PLAC1: variants seen among roughly 807,000 people sequenced by gnomAD.
PLAC1 encodes the protein placenta-specific protein 1.
For missense variants in PLAC1, 136 were observed against 163.2 expected, an observed-to-expected ratio of 0.83 and a Z score of 0.91; for synonymous variants, 68 against 62.1, an observed-to-expected ratio of 1.09 and a Z score of -0.44.
chrX:134,666,461 T>C (rs1168821097), intron 2 of PLAC1, among the ~76,000 whole-genome samples: 1 of 111,592 alleles, frequency 9.0e-6, no homozygotes, highest in African/African-American at 3.3e-5. Context: ...ACCTCTCTGA[T>C]TTCTGAAATT....
intron 2 of PLAC1, among the ~76,000 whole-genome samples, chrX:134,732,995 G>C (rs981014479): frequency 5.4e-5 from 6 of 111,431 alleles, no homozygotes; most frequent in Admixed American, 3.8e-4. Context: ...ACCCACTGCT[G>C]TTTCCTCCCA....
chrX:134,576,865 C>T (rs1435877507), intron 2 of PLAC1, among the ~76,000 whole-genome samples: 1 of 111,612 alleles, frequency 9.0e-6, no homozygotes, highest in Non-Finnish European at 1.9e-5. Context: ...TCTCTAGAGC[C>T]GTCACACAAT....
chrX:134,611,518 C>CAT (rs1556071189), intron 1 of PLAC1, among the ~76,000 whole-genome samples: 3,580 of 102,319 alleles, frequency 0.035, 148 homozygotes, highest in African/African-American at 0.12. Context: ...CACACACACA[C>CAT]ATACATATAC....
intron 2 of PLAC1, among the ~76,000 whole-genome samples, chrX:134,594,018 A>C (rs1226986037): frequency 9.0e-6 from 1 of 111,432 alleles, no homozygotes; most frequent in East Asian, 2.8e-4. Flanking sequence ...TTCACCATTA[A>C]GTAAAATGTT....
At chrX:134,620,350 C>A (rs1478377617) in intron 1 of PLAC1, among the ~76,000 whole-genome samples, 1 of 112,076 alleles carries the variant, frequency 8.9e-6, no homozygotes, top group Non-Finnish European at 1.9e-5. Context: ...ACACCATTTC[C>A]CCCTGGCCTC....
At chrX:134,720,203 G>A (rs772696498) in intron 2 of PLAC1, among the ~76,000 whole-genome samples, 2 of 111,377 alleles carry the variant, frequency 1.8e-5, no homozygotes, top group Admixed American at 9.5e-5. Context: ...CACTAACAAT[G>A]GACAACTTGA....
intron 1 of PLAC1, among the ~76,000 whole-genome samples, chrX:134,610,393 T>C (rs952344451): frequency 9.0e-6 from 1 of 110,970 alleles, no homozygotes; most frequent in Admixed American, 9.6e-5. Flanking sequence ...TAAAATCTCT[T>C]CTCGGCCATG....
intron 1 of PLAC1, among the ~76,000 whole-genome samples, chrX:134,628,428 C>G (rs1454904097): frequency 8.9e-6 from 1 of 112,119 alleles, no homozygotes; most frequent in Non-Finnish European, 1.9e-5. Flanking sequence ...CCCTTCTATG[C>G]CTTCATCTTC....
chrX:134,737,984 A>G (rs1464410523), intron 1 of PLAC1, among the ~76,000 whole-genome samples: 1 of 111,677 alleles, frequency 9.0e-6, no homozygotes, highest in Non-Finnish European at 1.9e-5. Context: ...GGAGGAAAAG[A>G]ATCTTCAGGG....
chrX:134,701,701 A>G (rs2078583698), intron 2 of PLAC1, among the ~76,000 whole-genome samples: 3 of 112,383 alleles, frequency 2.7e-5, no homozygotes, highest in Admixed American at 9.4e-5. Context: ...CCACGTCAGT[A>G]ATCACTGGAG....
chrX:134,579,713 G>C (rs2077964747), intron 2 of PLAC1, among the ~76,000 whole-genome samples: 1 of 111,490 alleles, frequency 9.0e-6, no homozygotes, highest in Non-Finnish European at 1.9e-5. Context: ...AAGTTGGAGA[G>C]GGGAGACCCA....
At chrX:134,671,590 G>GGAGA (rs567116941) in intron 2 of PLAC1, among the ~76,000 whole-genome samples, 21 of 104,829 alleles carry the variant, frequency 2.0e-4, no homozygotes, top group South Asian at 8.6e-4. Flanking sequence ...TGGTAGAACA[G>GGAGA]GAGAGAGAGA....
At chrX:134,638,044 A>C (rs2078291391) in intron 1 of PLAC1, among the ~76,000 whole-genome samples, 1 of 112,168 alleles carries the variant, frequency 8.9e-6, no homozygotes, top group Non-Finnish European at 1.9e-5. Flanking sequence ...ACTGGAGGGG[A>C]ATCCTTTGTT....
intron 2 of PLAC1, among the ~76,000 whole-genome samples, chrX:134,700,127 G>A (rs2078577708): frequency 9.0e-6 from 1 of 111,264 alleles, no homozygotes; most frequent in Admixed American, 9.6e-5. Context: ...CCACCCCTCA[G>A]TTACCCTCTA....
chrX:134,640,587 A>G (rs768319281), intron 1 of PLAC1, among the ~76,000 whole-genome samples: 3 of 111,746 alleles, frequency 2.7e-5, no homozygotes, highest in Non-Finnish European at 5.6e-5. Context: ...AATGAGATGC[A>G]GTTTCTGTCT....
chrX:134,650,904 G>C (rs1213236060), intron 1 of PLAC1: 7 of 168,810 alleles, frequency 4.1e-5, no homozygotes, highest in Non-Finnish European at 8.8e-5. Context: ...CATCTCCCAG[G>C]CTCTTCTGGA....
chrX:134,663,336 G>A (rs890818601), upstream of PLAC1, among the ~76,000 whole-genome samples: 18 of 113,087 alleles, frequency 1.6e-4, no homozygotes, highest in Middle Eastern at 4.6e-3. Context: ...ACTAAGGCAT[G>A]AGTATGAATG....
At chrX:134,601,405 A>G (rs1456041838) in intron 2 of PLAC1, among the ~76,000 whole-genome samples, 2 of 112,189 alleles carry the variant, frequency 1.8e-5, no homozygotes, top group Non-Finnish European at 3.8e-5. Flanking sequence ...GAACATTGTT[A>G]AGGCTTTCGA....
chrX:134,599,125 A>G (rs1279643030), intron 2 of PLAC1, among the ~76,000 whole-genome samples: 3 of 111,582 alleles, frequency 2.7e-5, no homozygotes, highest in Non-Finnish European at 5.6e-5. Flanking sequence ...TTAGCATAGT[A>G]TCTGGTATTT....
Sources: allele counts gnomAD v4.1 joint callset (sites outside exome capture counted in the v4.1 genomes callset), GRCh38; gene constraint gnomAD v4.1.1; transcripts MANE v1.5; gene names NCBI Gene and HGNC (gene_info 2026-07-23, HGNC 2026-07-21).